The following SPOPL variants were observed in gnomAD, a reference collection of about 807,000 sequenced individuals.
SPOPL encodes speckle-type POZ protein-like.
A neutral mutation model predicts 53.8 loss-of-function variants in SPOPL; 23 were observed. The observed-to-expected ratio is 0.43, with a 90% CI of 0.31 to 0.61. The LOEUF is 0.61. SPOPL is among the 20% of genes least tolerant of loss of function. The pLI, the probability that SPOPL is intolerant of heterozygous loss-of-function variation, is 0.12. For missense variants in SPOPL, 442 were observed against 466.9 expected, an observed-to-expected ratio of 0.95 and a Z score of 0.49; for synonymous variants, 164 against 149.7, an observed-to-expected ratio of 1.10 and a Z score of -0.70.
chr2:138,553,631 A>G (rs1252740452), intron 5 of SPOPL, among the ~76,000 whole-genome samples: 1 of 152,120 alleles, frequency 6.6e-6, no homozygotes, highest in Non-Finnish European at 1.5e-5. Flanking sequence ...AAGATTACAA[A>G]CTAATTGTAT....
Position 138,512,594 on chromosome 2 carries a change from T to C in SPOPL, c.-61+10475T>C, listed in dbSNP as rs1040627391. Among the ~76,000 whole-genome samples the C allele has an allele frequency of 2.6e-5, 4 of 152,236 alleles. No individual in the cohort carries two copies. In the East Asian group the frequency reaches 7.7e-4, roughly 29 times the overall value. Reference sequence around the variant, plus strand: ...GTTCACCTTGAGATTTAAAATCTTGTCATCTTGCTGAACCACAGTTCTATA... The same window carrying C: ...GTTCACCTTGAGATTTAAAATCTTGCCATCTTGCTGAACCACAGTTCTATA... On this transcript the variant is annotated intron_variant, in intron 1 of 10. Coordinates refer to ENST00000280098, the MANE Select transcript of SPOPL (RefSeq NM_001001664.3).
intron 1 of SPOPL, among the ~76,000 whole-genome samples, chr2:138,541,649 G>A (rs1325476730): frequency 2.0e-5 from 3 of 152,058 alleles, no homozygotes; most frequent in African/African-American, 2.4e-5. Flanking sequence ...AGTCTTGCTA[G>A]CGGTCTATCA....
chr2:138,555,024 T>G (rs1174188405), intron 5 of SPOPL, among the ~76,000 whole-genome samples: 1 of 152,078 alleles, frequency 6.6e-6, no homozygotes, highest in African/African-American at 2.4e-5. Context: ...TGAGGCTACA[T>G]CTGGTGAGGT....
chr2:138,510,389 T>C (rs1684301488), intron 1 of SPOPL, among the ~76,000 whole-genome samples: 1 of 152,234 alleles, frequency 6.6e-6, no homozygotes, highest in South Asian at 2.1e-4. Context: ...TTTGGTATTA[T>C]GCTGCTGTTG....
chr2:138,571,492 T>C lies in SPOPL; in HGVS notation c.*2412T>C, dbSNP rs1375392166. On this transcript the variant is annotated 3_prime_UTR_variant, in exon 11 of 11. Coordinates refer to ENST00000280098, the MANE Select transcript of SPOPL (RefSeq NM_001001664.3). ...GTAGAAATGTCCACTTTTCAGATAA[T>C]ATAATGCCTACCATTATACTAACAG... 6.6e-6 allele frequency: 1 copy of C among 152,588 alleles called. No individual in the cohort carries two copies. Among genetic ancestry groups the C allele is most frequent in the East Asian group, 1.9e-4 (1 of 5,202 alleles). The allele number at this position is 152,588 out of a possible 1,614,324, so 9.5% of individuals were successfully genotyped here.
intron 1 of SPOPL, among the ~76,000 whole-genome samples, chr2:138,502,741 C>T (rs1451435931): frequency 6.6e-6 from 1 of 152,194 alleles, no homozygotes; most frequent in Admixed American, 6.5e-5. Context: ...GTTCGGGGTC[C>T]AAGTCTTCAA....
chr2:138,505,983 G>A (rs1194645416), intron 1 of SPOPL, among the ~76,000 whole-genome samples: 1 of 152,140 alleles, frequency 6.6e-6, no homozygotes, highest in Non-Finnish European at 1.5e-5. Flanking sequence ...TTCAGCACGT[G>A]AGGTTGGTTG....
At chr2:138,512,979 G>T (rs1409024271) in intron 1 of SPOPL, among the ~76,000 whole-genome samples, 1 of 152,224 alleles carries the variant, frequency 6.6e-6, no homozygotes, top group East Asian at 1.9e-4. Flanking sequence ...GTAGGTCAGT[G>T]CTTCTTGAAT....
intron 1 of SPOPL, among the ~76,000 whole-genome samples, chr2:138,516,252 C>T (rs1389361468): frequency 6.6e-6 from 1 of 151,906 alleles, no homozygotes; most frequent in Non-Finnish European, 1.5e-5. Flanking sequence ...CTTGCTAGAG[C>T]GTCTTTGAAG....
intron 1 of SPOPL, among the ~76,000 whole-genome samples, chr2:138,538,410 G>C (rs567045990): frequency 4.0e-4 from 61 of 152,156 alleles, no homozygotes; most frequent in Admixed American, 1.5e-3. Flanking sequence ...GTTTGTACTT[G>C]TCATACCTTC....
chr2:138,504,649 C>G (rs1425822194), intron 1 of SPOPL, among the ~76,000 whole-genome samples: 7 of 152,194 alleles, frequency 4.6e-5, no homozygotes, highest in African/African-American at 1.7e-4. Flanking sequence ...GGGTGAAAAT[C>G]AAACCCTAAT....
chr2:138,544,177 G>A (rs148881724), intron 1 of SPOPL, among the ~76,000 whole-genome samples: 1,660 of 152,312 alleles, frequency 0.011, 34 homozygotes, highest in African/African-American at 0.038. Flanking sequence ...CTACTCGGGG[G>A]TCAGGGACCC....
At chr2:138,529,810 A>G (rs1573881867) in intron 1 of SPOPL, among the ~76,000 whole-genome samples, 1 of 152,328 alleles carries the variant, frequency 6.6e-6, no homozygotes, top group East Asian at 1.9e-4. Flanking sequence ...CTGAAAATAC[A>G]TAATTTTTTT....
chr2:138,554,066 C>CT (rs70978299), intron 5 of SPOPL, among the ~76,000 whole-genome samples: 17,688 of 126,396 alleles, frequency 0.14, 1,308 homozygotes, highest in African/African-American at 0.21. Context: ...TAGAAAATAC[C>CT]TTTTTTTTTT....
In SPOPL at chr2:138,560,839, T is replaced by A; in HGVS notation, c.749T>A (p.Val250Asp). ...GAAATAAATGATTTAGACCCTGAAG[T>A]TTTTAAAGAAATGATGAGATTCATT... ...RVEINDLDPE[V>D]FKEMMRFIYT... is the part of the protein sequence containing the mutation. The change falls in exon 8 of 11, where the codon GTT becomes GAT. Residue 250 changes from valine to aspartate, a missense_variant. By Grantham distance (152) the Val-to-Asp change is radical (BLOSUM62 -3). Coordinates refer to ENST00000280098, the MANE Select transcript of SPOPL (RefSeq NM_001001664.3). 6.2e-7 allele frequency: 1 copy of A among 1,608,484 alleles called. No individual in the cohort carries two copies. Among genetic ancestry groups the A allele is most frequent in the Non-Finnish European group, 8.5e-7 (1 of 1,178,646 alleles).
intron 1 of SPOPL, among the ~76,000 whole-genome samples, chr2:138,524,859 T>C (rs1684635055): frequency 6.6e-6 from 1 of 152,216 alleles, no homozygotes; most frequent in Non-Finnish European, 1.5e-5. Flanking sequence ...ACTCCCTATC[T>C]TCCTGTCTCC....
intron 1 of SPOPL, among the ~76,000 whole-genome samples, chr2:138,544,115 C>T (rs940622148): frequency 3.9e-5 from 6 of 152,282 alleles, no homozygotes; most frequent in South Asian, 2.1e-4. Context: ...GAGGAGTACC[C>T]GGCCTTGTGA....
intron 1 of SPOPL, among the ~76,000 whole-genome samples, chr2:138,529,747 C>T (rs1395911739): frequency 6.6e-6 from 1 of 152,156 alleles, no homozygotes; most frequent in Non-Finnish European, 1.5e-5. Flanking sequence ...TCAGTTTCCA[C>T]AAAAAGCAGC....
At chr2:138,539,882 G>A (rs1685029126) in intron 1 of SPOPL, among the ~76,000 whole-genome samples, 5 of 151,952 alleles carry the variant, frequency 3.3e-5, no homozygotes, top group Admixed American at 2.0e-4. Flanking sequence ...TATGGTTTTA[G>A]GTCTAATAAG....
Sources: allele counts gnomAD v4.1 joint callset (sites outside exome capture counted in the v4.1 genomes callset), GRCh38; gene constraint gnomAD v4.1.1; transcripts MANE v1.5; gene names NCBI Gene and HGNC (gene_info 2026-07-23, HGNC 2026-07-21).